The following OPRPN variants were observed in gnomAD, a reference collection of about 807,000 sequenced individuals.
OPRPN encodes opiorphin prepropeptide, also known as basic proline-rich lacrimal protein.
OPRPN carries 1 observed loss-of-function variant against 2.2 expected under a neutral mutation model. The ratio of observed to expected loss-of-function variants is 0.45; its 90% confidence interval spans 0.16 to 2.15. The LOEUF (loss-of-function observed/expected upper bound fraction) is 2.15. Among genes scored for constraint, OPRPN ranks in the 30% most tolerant of loss-of-function variants. OPRPN has a pLI of 0.28. For synonymous variants in OPRPN, 126 were observed against 111.5 expected (o/e 1.13, Z -0.82); for missense variants, 306 against 297.3 (o/e 1.03, Z -0.21).
intron 2 of OPRPN, among the ~76,000 whole-genome samples, chr4:70,409,070 T>C (rs1216068766): frequency 3.3e-5 from 5 of 152,220 alleles, no homozygotes; most frequent in East Asian, 1.9e-4. Context: ...TCTTTTCTTA[T>C]ACATAATCAA....
chr4:70,399,870 C>T (rs1732935180), intron 2 of OPRPN, among the ~76,000 whole-genome samples: 1 of 151,770 alleles, frequency 6.6e-6, no homozygotes, highest in African/African-American at 2.4e-5. Flanking sequence ...TAAAATATTC[C>T]TTTAACTGAC....
chr4:70,399,917 C>G (rs963828436), intron 2 of OPRPN, among the ~76,000 whole-genome samples: 17 of 151,832 alleles, frequency 1.1e-4, no homozygotes, highest in African/African-American at 4.1e-4. Flanking sequence ...GAAAAAAATA[C>G]AAACAGAAAA....
At chr4:70,402,228 G>A (rs1391953482) in intron 2 of OPRPN, among the ~76,000 whole-genome samples, 1 of 152,048 alleles carries the variant, frequency 6.6e-6, no homozygotes, top group East Asian at 1.9e-4. Flanking sequence ...AGGTCTGCCT[G>A]AGCCCCATAA....
rs560747968 is a variant in OPRPN, at chr4:70,399,474, C to T, written c.51+138C>T. 3 of 680,644 alleles carry T rather than the reference C, an allele frequency of 4.4e-6. No individual in the cohort carries two copies. In the East Asian group the frequency reaches 8.3e-5, roughly 19 times the overall value. 42.2% of individuals were successfully genotyped at this position (680,644 alleles called of 1,614,324 possible). On this transcript the variant is annotated intron_variant, in intron 2 of 2. Coordinates refer to ENST00000399575, the MANE Select transcript of OPRPN (RefSeq NM_021225.5). ...GTTGATAATTATGGACTTGCTCTTA[C>T]TTTCCTTTTCCTTTCTCATTTATGA...
intron 2 of OPRPN, among the ~76,000 whole-genome samples, chr4:70,409,139 G>GT (rs914940898): frequency 6.6e-6 from 1 of 151,938 alleles, no homozygotes; most frequent in African/African-American, 2.4e-5. Flanking sequence ...CACTTTTTTG[G>GT]TTTTTTCTCA....
chr4:70,400,161 A>G (rs1732944101), intron 2 of OPRPN, among the ~76,000 whole-genome samples: 2 of 152,040 alleles, frequency 1.3e-5, no homozygotes, highest in African/African-American at 2.4e-5. Context: ...ATTTCTTAGT[A>G]ATTACTGATA....
At chr4:70,401,019 T>C (rs1254734533) in intron 2 of OPRPN, among the ~76,000 whole-genome samples, 1 of 152,026 alleles carries the variant, frequency 6.6e-6, no homozygotes, top group Non-Finnish European at 1.5e-5. Flanking sequence ...CAACCTTCTG[T>C]TTCATACTGA....
chr4:70,408,866 A>G (rs1733146516), intron 2 of OPRPN, among the ~76,000 whole-genome samples: 1 of 152,182 alleles, frequency 6.6e-6, no homozygotes, highest in Non-Finnish European at 1.5e-5. Context: ...TCTTCCACTG[A>G]TTTCAGACTC....
At chr4:70,400,139 C>A (rs1435728320) in intron 2 of OPRPN, among the ~76,000 whole-genome samples, 1 of 151,768 alleles carries the variant, frequency 6.6e-6, no homozygotes, top group Non-Finnish European at 1.5e-5. Flanking sequence ...GAGAAAGAGC[C>A]CTATTTATCT....
chr4:70,404,540 T>C lies in OPRPN; in HGVS notation c.52-4840T>C, dbSNP rs188178734. ...ATCTTACCCTTTCTCACCACCCTCC[T>C]GCTACCATTCTAGGCCAAGCCATCA... On this transcript the variant is annotated intron_variant, in intron 2 of 2. Coordinates refer to ENST00000399575, the MANE Select transcript of OPRPN (RefSeq NM_021225.5). 4.6e-5 allele frequency among the ~76,000 whole-genome samples: 7 copies of C among 152,326 alleles called. No homozygotes were observed. The East Asian group carries it at 1.3e-3, about 29-fold the overall frequency.
chr4:70,400,547 G>A (rs1472352763), intron 2 of OPRPN, among the ~76,000 whole-genome samples: 2 of 151,684 alleles, frequency 1.3e-5, no homozygotes, highest in African/African-American at 4.8e-5. Flanking sequence ...TCCCAGACCT[G>A]AGAAAAAAAG....
intron 2 of OPRPN, among the ~76,000 whole-genome samples, chr4:70,400,197 T>C (rs1732945285): frequency 6.6e-6 from 1 of 151,884 alleles, no homozygotes; most frequent in South Asian, 2.1e-4. Context: ...GGCCTAGTGG[T>C]GGTTGATACA....
In OPRPN at chr4:70,409,621, T is replaced by C. The variant is rs1220513678; in HGVS notation, c.293T>C (p.Leu98Pro). 2 of 1,614,008 alleles carry C rather than the reference T, an allele frequency of 1.2e-6. No homozygotes were observed. Among genetic ancestry groups the C allele is most frequent in the African/African-American group, 1.3e-5 (1 of 75,034 alleles). The change falls in exon 3 of 3, where the codon CTC (leucine) becomes CCC (proline). Residue 98 changes from leucine (L) to proline (P), a missense_variant. Physicochemically the swap from Leu to Pro is moderately conservative, Grantham distance 98 (BLOSUM62 -3). Coordinates refer to ENST00000399575, the MANE Select transcript of OPRPN (RefSeq NM_021225.5). ...TTGGAATCTATTAGACAACCTCGAC[T>C]CTTTCCGGGTTATCCAAACCTACAT... ...FPLESIRQPRLFPGYPNLHFP... is the reference protein window; with the variant it reads ...FPLESIRQPRPFPGYPNLHFP...
chr4:70,404,086 G>A (rs549173054), intron 2 of OPRPN, among the ~76,000 whole-genome samples: 1 of 152,104 alleles, frequency 6.6e-6, no homozygotes, highest in East Asian at 1.9e-4. Flanking sequence ...TTCCTGTTCT[G>A]TCTTAAGCCT....
intron 2 of OPRPN, among the ~76,000 whole-genome samples, chr4:70,399,996 A>G (rs1732937874): frequency 6.6e-6 from 1 of 152,010 alleles, no homozygotes; most frequent in Non-Finnish European, 1.5e-5. Context: ...AAAGCTCTAT[A>G]GGAGATCCAA....
intron 2 of OPRPN, among the ~76,000 whole-genome samples, chr4:70,400,970 AC>A (rs1424510748): frequency 6.6e-6 from 1 of 152,010 alleles, no homozygotes; most frequent in African/African-American, 2.4e-5. Flanking sequence ...CTTCTCAGAG[AC>A]AATAATAGAG....
Position 70,409,525 on chromosome 4 carries a change from T to C in OPRPN, c.197T>C (p.Val66Ala). 1 of 1,613,956 alleles carries C rather than the reference T, an allele frequency of 6.2e-7. No individual in the cohort carries two copies. The highest frequency in any genetic ancestry group is 8.5e-7 in the Non-Finnish European group (1 of 1,179,944). The change falls in exon 3 of 3, where the codon GTC (valine) becomes GCC (alanine). Residue 66 changes from valine (V) to alanine (A), a missense_variant. Transcript: ENST00000399575. ...RLNSPLSLPF[V>A]PGRVPPSSFS... The stretch of plus-strand genomic sequence containing the variant: ...AATTCACCACTTTCTCTTCCCTTTG[T>C]CCCAGGGCGAGTTCCACCATCTTCT...
intron 1 of OPRPN, 134 bp from the exon 2 acceptor site, chr4:70,399,137 C>A: frequency 3.8e-6 from 2 of 522,098 alleles, no homozygotes; most frequent in Non-Finnish European, 6.7e-6. Context: ...AAATATCAAA[C>A]ACATCTTTAA....
rs1193724950 is a variant in OPRPN at position 70,409,704 on chromosome 4, C to T, written c.376C>T (p.Pro126Ser). 1.9e-6 allele frequency: 3 copies of T among 1,613,492 alleles called. No individual in the cohort carries two copies. The African/African-American group carries it at 4.0e-5, about 22-fold the overall frequency. Residue 126 changes from proline (P) to serine (S), a missense_variant, in exon 3 of 3, where the codon CCT (proline) becomes TCT (serine). Transcript: ENST00000399575. ...PIRILKPPFP[P>S]IPFFLAIYLP... The stretch of plus-strand genomic sequence containing the variant: ...TAGGATATTAAAACCCCCATTTCCT[C>T]CTATTCCTTTTTTTCTTGCTATTTA...
Sources: gnomAD v4.1 joint callset for allele counts (sites outside exome capture counted in the v4.1 genomes callset) on GRCh38, gnomAD v4.1.1 for gene constraint, MANE v1.5 for transcripts, NCBI Gene and HGNC (gene_info 2026-07-23, HGNC 2026-07-21) for gene names.